ACAD9: variants seen among roughly 807,000 people sequenced by gnomAD.
ACAD9 encodes acyl-CoA dehydrogenase family member 9.
Under a neutral mutation model 70.2 loss-of-function variants are expected in ACAD9, and 53 were observed. The observed-to-expected ratio is 0.75, with a 90% confidence interval of 0.61 to 0.95. The LOEUF (loss-of-function observed/expected upper bound fraction) is 0.95, where lower values mean the gene tolerates loss of function less well. ACAD9 is among the 40% of genes least tolerant of loss of function. The probability of loss-of-function intolerance (pLI) is 0.00; values close to 1 mark genes in which losing one functional copy is unlikely to be tolerated. For synonymous variants in ACAD9, 313 were observed against 312.1 expected (o/e 1.00, Z -0.03); for missense variants, 777 against 802.8 (o/e 0.97, Z 0.39).
chr3:128,885,967 A>G (rs1935231788), intron 2 of ACAD9, among the ~76,000 whole-genome samples: 1 of 151,996 alleles, frequency 6.6e-6, no homozygotes, highest in African/African-American at 2.4e-5. Flanking sequence ...TAGTGAGCCA[A>G]CATTGCACCA....
chr3:128,899,360 G>A lies in ACAD9; in HGVS notation c.707G>A (p.Gly236Glu), dbSNP rs746494284. The part of the protein sequence containing the change: ...FAKTEVVDSD[G>E]SVKDKITAFI... ...AAGACTGAGGTCGTTGATTCTGATGGATCAGTGAAAGACAAAATCACAGCA... is the reference window on the plus strand; with the variant it reads ...AAGACTGAGGTCGTTGATTCTGATGAATCAGTGAAAGACAAAATCACAGCA... Residue 236 changes from glycine (G) to glutamate (E), a missense_variant, in exon 7 of 18, where the codon GGA (glycine) becomes GAA (glutamate). Physicochemically the swap from Gly to Glu is moderately conservative, Grantham distance 98. Transcript: ENST00000308982. 1.9e-6 allele frequency: 3 copies of A among 1,614,150 alleles called. No homozygotes were observed. The highest frequency in any genetic ancestry group is 2.5e-6 in the Non-Finnish European group (3 of 1,180,062).
intron 2 of ACAD9, among the ~76,000 whole-genome samples, chr3:128,893,153 C>T (rs973051104): frequency 6.6e-6 from 1 of 151,160 alleles, no homozygotes. Flanking sequence ...CAAGACCAGC[C>T]TGGGTAACAT....
chr3:128,887,005 C>T (rs1036748977), intron 2 of ACAD9, among the ~76,000 whole-genome samples: 2 of 152,140 alleles, frequency 1.3e-5, no homozygotes, highest in South Asian at 4.1e-4. Flanking sequence ...GACCTCAGCT[C>T]ACTGCAACCT....
chr3:128,896,319 C>G, intron 4 of ACAD9, 117 bp from the exon 5 acceptor site: 1 of 1,133,258 alleles, frequency 8.8e-7, no homozygotes, highest in Non-Finnish European at 1.3e-6. Context: ...GCTCTGAGTT[C>G]TTGCTGTCTT....
At position 128,904,129 on chromosome 3, in the gene ACAD9, T is replaced by G. The variant is rs1274484021; in HGVS notation, c.1026T>G (p.Ile342Met). The change falls in exon 10 of 18, where the codon ATT (isoleucine) becomes ATG (methionine). Residue 342 changes from isoleucine (I) to methionine (M), a missense_variant. Ile to Met is a conservative substitution (Grantham distance 10). Transcript: ENST00000308982. ...AGAGGCTCAGTGAATTTGGATTGATTCAGGTACCAATGGTTGAGTACTGTA... is the reference window on the plus strand; with the variant it reads ...AGAGGCTCAGTGAATTTGGATTGATGCAGGTACCAATGGTTGAGTACTGTA... ...FNKRLSEFGLIQEKFALMAQK... is the reference protein window; with the variant it reads ...FNKRLSEFGLMQEKFALMAQK... 3 of 1,614,158 alleles carry G rather than the reference T, an allele frequency of 1.9e-6. No homozygotes were observed. Among genetic ancestry groups the G allele is most frequent in the South Asian group, 1.1e-5 (1 of 91,090 alleles).
At position 128,899,489 on chromosome 3, in the gene ACAD9, G is replaced by A. The variant is rs546819077; in HGVS notation, c.808+28G>A. On this transcript the variant is annotated intron_variant, in intron 7 of 17. Transcript: ENST00000308982. ...AAGTAGCTCCTGTGCGCGCGTGCGC[G>A]TGTGTGTGTGTAAGGGGGAGACTGG... 33 of 1,576,820 alleles carry A rather than the reference G, an allele frequency of 2.1e-5. No individual in the cohort carries two copies. The East Asian group carries it at 3.4e-4, about 16-fold the overall frequency.
intron 4 of ACAD9, 59 bp downstream of exon 4, chr3:128,895,475 G>C: frequency 1.4e-6 from 2 of 1,471,902 alleles, no homozygotes; most frequent in Middle Eastern, 1.7e-4. Flanking sequence ...GTCACATGGA[G>C]GCATAGAGGC....
At chr3:128,908,396 G>A in intron 13 of ACAD9, 132 bp downstream of exon 13, 1 of 1,122,462 alleles carries the variant, frequency 8.9e-7, no homozygotes, top group Non-Finnish European at 1.3e-6. Flanking sequence ...CCTTGTGGAG[G>A]GGACCTTCCC....
chr3:128,908,821 G>A (rs1935997519), intron 13 of ACAD9, 152 bp from the exon 14 acceptor site: 1 of 1,228,652 alleles, frequency 8.1e-7, no homozygotes, highest in Non-Finnish European at 1.2e-6. Context: ...CTGGCAGGTG[G>A]TGGGTTTGGG....
At chr3:128,901,398 G>T (rs533560543) in intron 8 of ACAD9, 49 bp downstream of exon 8, 1 of 1,600,160 alleles carries the variant, frequency 6.2e-7, no homozygotes, top group South Asian at 1.1e-5. Flanking sequence ...CATGAGTGCA[G>T]TTTGTCGCCC....
intron 2 of ACAD9, among the ~76,000 whole-genome samples, chr3:128,886,448 C>G (rs1935251603): frequency 6.6e-6 from 1 of 151,590 alleles, no homozygotes; most frequent in Admixed American, 6.6e-5. Context: ...GTGGCTCACA[C>G]CTGTAATCCC....
intron 3 of ACAD9, 103 bp downstream of exon 3, chr3:128,893,759 G>A: frequency 1.0e-6 from 1 of 989,594 alleles, no homozygotes; most frequent in Non-Finnish European, 1.6e-6. Flanking sequence ...ACCATCCGTG[G>A]TGGGCTACTT....
rs146518015 is a variant in ACAD9, at chr3:128,912,829, GGA to G, written c.*231_*232del. On this transcript the variant is annotated 3_prime_UTR_variant, in exon 18 of 18. Transcript: ENST00000308982. ...ACCATCACAGCTTCTGAACTGAGCC[GGA>G]GAGAGAGAATGGAATTGCTGACCCC... is the stretch of plus-strand genomic sequence containing the variant. The G allele has an allele frequency of 0.044, 30,537 of 694,942 alleles. 935 individuals are homozygous for G. The highest frequency in any genetic ancestry group is 0.057 in the Non-Finnish European group (21,228 of 373,472). The allele number at this position is 694,942 out of a possible 1,614,324, so 43.0% of individuals were successfully genotyped here. A position where few individuals can be genotyped will look rare whatever the true frequency, so the allele number is the denominator to read the frequency against.
At chr3:128,909,505 T>G (rs367889764) in intron 15 of ACAD9, 84 bp downstream of exon 15, 2 of 1,390,818 alleles carry the variant, frequency 1.4e-6, no homozygotes, top group African/African-American at 1.4e-5. Context: ...TCAAGCATCC[T>G]TTGGGACCAG....
In ACAD9 at chr3:128,912,702, A is replaced by C. The variant is rs756903759; in HGVS notation, c.*95A>C. 8.6e-7 allele frequency: 1 copy of C among 1,167,322 alleles called. No individual in the cohort carries two copies. The highest frequency in any genetic ancestry group is 1.3e-6 in the Non-Finnish European group (1 of 777,936). 72.3% of individuals were successfully genotyped at this position (1,167,322 alleles called of 1,614,324 possible). A position where few individuals can be genotyped will look rare whatever the true frequency, so the allele number is the denominator to read the frequency against. On this transcript the variant is annotated 3_prime_UTR_variant, in exon 18 of 18. Transcript: ENST00000308982. Reference sequence around the variant, plus strand: ...TTTTTCAGAAGGTGTTGGGATTATCACAGGTTAAGCCTTTTGTTCCCCGTC... The same window carrying C: ...TTTTTCAGAAGGTGTTGGGATTATCCCAGGTTAAGCCTTTTGTTCCCCGTC...
In ACAD9 at chr3:128,912,639, C is replaced by T. The variant is rs200518350; in HGVS notation, c.*32C>T. On this transcript the variant is annotated 3_prime_UTR_variant, in exon 18 of 18. Coordinates refer to ENST00000308982, the MANE Select transcript of ACAD9 (RefSeq NM_014049.5). The stretch of plus-strand genomic sequence containing the variant: ...GGACAGTGTCCCCTGCTACCGCCCG[C>T]CCCTACCCATGGCCCGTTGCTGGAT... 1.2e-4 allele frequency: 191 copies of T among 1,569,366 alleles called. No individual in the cohort carries two copies. The African/African-American group carries it at 2.4e-3, about 20-fold the overall frequency.
In ACAD9 at chr3:128,909,118, C is replaced by A; in HGVS notation, c.1485+19C>A. The stretch of plus-strand genomic sequence containing the variant: ...TCTTGCGGTGAGTGGGCCTAACAGG[C>A]ATACCCCCTATTTCAATGCCCTCCT... On this transcript the variant is annotated intron_variant, in intron 14 of 17. Transcript: ENST00000308982. The A allele has an allele frequency of 6.2e-7, 1 of 1,613,744 alleles. No homozygotes were observed. The highest frequency in any genetic ancestry group is 8.5e-7 in the Non-Finnish European group (1 of 1,179,944).
At position 128,884,682 on chromosome 3, in the gene ACAD9, C is replaced by T; in HGVS notation, c.180C>T (p.Ser60=). ...KKEVFPFPEV[S]QDELNEINQF... is the part of the protein sequence containing the mutation. The stretch of plus-strand genomic sequence containing the variant: ...AAGTTTTCCCATTTCCAGAAGTTAG[C>T]CAAGATGAACTTAATGAAATCAATC... The change falls in exon 2 of 18, where the codon AGC becomes AGT. Residue 60 remains serine (S), a synonymous_variant. Coordinates refer to ENST00000308982, the MANE Select transcript of ACAD9 (RefSeq NM_014049.5). 6.2e-7 allele frequency: 1 copy of T among 1,612,422 alleles called. No homozygotes were observed. The highest frequency in any genetic ancestry group is 8.5e-7 in the Non-Finnish European group (1 of 1,179,590).
Position 128,910,918 on chromosome 3 carries a change from C to A in ACAD9, c.1765+105C>A, listed in dbSNP as rs563061147. ...TCAAGCTCCCAGAGCCTGCTAGCTA[C>A]TCACAGACCTCTGCCTTGAGCGAGG... On this transcript the variant is annotated intron_variant, in intron 17 of 17. Coordinates refer to ENST00000308982, the MANE Select transcript of ACAD9 (RefSeq NM_014049.5). 106 of 1,344,116 alleles carry A rather than the reference C, an allele frequency of 7.9e-5. 3 individuals are homozygous for A. In the South Asian group the frequency reaches 1.2e-3, roughly 16 times the overall value. The allele number at this position is 1,344,116 out of a possible 1,614,324, so 83.3% of individuals were successfully genotyped here. A position where few individuals can be genotyped will look rare whatever the true frequency, so the allele number is the denominator to read the frequency against.
Sources: gnomAD v4.1 joint callset for allele counts (sites outside exome capture counted in the v4.1 genomes callset) on GRCh38, gnomAD v4.1.1 for gene constraint, MANE v1.5 for transcripts, NCBI Gene and HGNC (gene_info 2026-07-23, HGNC 2026-07-21) for gene names.